The following GRIN2A variants were observed in gnomAD, a reference collection of about 807,000 sequenced individuals.
GRIN2A encodes the protein glutamate receptor ionotropic, NMDA 2A.
GRIN2A carries 22 observed loss-of-function variants against 113.4 expected under a neutral mutation model. The observed-to-expected ratio is 0.19, with a 90% CI of 0.14 to 0.28. The LOEUF (loss-of-function observed/expected upper bound fraction) is 0.28, where lower values mean the gene tolerates loss of function less well. GRIN2A is among the 10% of genes least tolerant of loss of function. The probability of loss-of-function intolerance (pLI) is 1.00; values close to 1 mark genes in which losing one functional copy is unlikely to be tolerated. For missense variants in GRIN2A, 1,502 were observed against 1,887.0 expected (o/e 0.80, Z 3.78); for synonymous variants, 827 against 738.4 (o/e 1.12, Z -1.94).
intron 10 of GRIN2A, among the ~76,000 whole-genome samples, chr16:9,800,955 C>G (rs946970483): frequency 1.3e-5 from 2 of 152,158 alleles, no homozygotes; most frequent in Non-Finnish European, 2.9e-5. Flanking sequence ...AACAGGAACA[C>G]TGGAGTAGTA....
intron 2 of GRIN2A, among the ~76,000 whole-genome samples, chr16:9,997,091 A>T (rs2046236779): frequency 6.6e-6 from 1 of 152,202 alleles, no homozygotes; most frequent in African/African-American, 2.4e-5. Flanking sequence ...AAACAACTTG[A>T]TTAATCTTGG....
intron 2 of GRIN2A, among the ~76,000 whole-genome samples, chr16:10,016,759 C>G (rs1402902658): frequency 1.3e-5 from 2 of 152,232 alleles, no homozygotes; most frequent in African/African-American, 4.8e-5. Context: ...TACCTGCTCT[C>G]TGGGCCTCCC....
intron 12 of GRIN2A, among the ~76,000 whole-genome samples, chr16:9,766,275 C>T (rs2141141844): frequency 6.6e-6 from 1 of 152,324 alleles, no homozygotes; most frequent in Non-Finnish European, 1.5e-5. Context: ...ATAATGGTGG[C>T]TCCATCGGTC....
rs777270187 is a variant in GRIN2A, at chr16:9,849,764, G to C, written c.1320C>G (p.Val440=). 1.2e-5 allele frequency: 19 copies of C among 1,613,694 alleles called. No homozygotes were observed. The highest frequency in any genetic ancestry group is 1.6e-5 in the Non-Finnish European group (19 of 1,179,654). The part of the protein sequence containing the change: ...VRNTVPCRKF[V]KINNSTNEGM... Reference sequence around the variant, plus strand: ...GCATTCCTGCCACTCACTTGATTTTGACGAACTTCCGACATGGCACGGTGT... The same window carrying C: ...GCATTCCTGCCACTCACTTGATTTTCACGAACTTCCGACATGGCACGGTGT... Residue 440 remains valine (V), a synonymous_variant, in exon 5 of 13, where the codon GTC becomes GTG. Coordinates refer to ENST00000330684, the MANE Select transcript of GRIN2A (RefSeq NM_001134407.3).
At chr16:10,133,972 C>T (rs528662962) in intron 2 of GRIN2A, among the ~76,000 whole-genome samples, 63 of 152,114 alleles carry the variant, frequency 4.1e-4, no homozygotes, top group Admixed American at 7.9e-4. Context: ...TGCTTGAGCC[C>T]AGACATTGGA....
At chr16:9,790,167 C>A (rs1902519672) in intron 11 of GRIN2A, among the ~76,000 whole-genome samples, 1 of 152,148 alleles carries the variant, frequency 6.6e-6, no homozygotes, top group South Asian at 2.1e-4. Flanking sequence ...GGCTGCTGAC[C>A]AATATGCCTG....
intron 2 of GRIN2A, among the ~76,000 whole-genome samples, chr16:10,079,710 G>C (rs541928294): frequency 1.1e-4 from 16 of 152,312 alleles, no homozygotes; most frequent in African/African-American, 2.6e-4. Flanking sequence ...GACTTAAGCA[G>C]CCTACAGAAC....
At chr16:9,898,329 C>T (rs563240480) in intron 3 of GRIN2A, among the ~76,000 whole-genome samples, 1 of 152,232 alleles carries the variant, frequency 6.6e-6, no homozygotes, top group Admixed American at 6.5e-5. Context: ...ATACTCATTT[C>T]CAGAGTCCCT....
chr16:10,151,564 A>G (rs1333296084), intron 2 of GRIN2A, among the ~76,000 whole-genome samples: 1 of 152,214 alleles, frequency 6.6e-6, no homozygotes, highest in Non-Finnish European at 1.5e-5. Context: ...TTGCTATAGG[A>G]AAACAGGACA....
In GRIN2A at chr16:9,851,437, T is replaced by G. The variant is rs531983678; in HGVS notation, c.1123-1476A>C. On this transcript the variant is annotated intron_variant, in intron 4 of 12. Coordinates refer to ENST00000330684, the MANE Select transcript of GRIN2A (RefSeq NM_001134407.3). ...ACATAGATTTATTGAAGACCTACGA[T>G]GTCCCAGTGCCAGCCTAGGAATAAT... is the stretch of plus-strand genomic sequence containing the variant. Among the ~76,000 whole-genome samples the G allele has an allele frequency of 2.0e-5, 3 of 152,334 alleles. No homozygotes were observed. In the South Asian group the frequency reaches 6.2e-4, roughly 32 times the overall value.
chr16:9,802,835 T>G (rs1903448722), intron 10 of GRIN2A, among the ~76,000 whole-genome samples: 1 of 152,136 alleles, frequency 6.6e-6, no homozygotes, highest in African/African-American at 2.4e-5. Context: ...TTTCATTAAT[T>G]TAGATTGTAA....
chr16:10,093,772 G>C (rs1315142666), intron 2 of GRIN2A, among the ~76,000 whole-genome samples: 1 of 152,190 alleles, frequency 6.6e-6, no homozygotes, highest in Non-Finnish European at 1.5e-5. Context: ...TTGACTTTGA[G>C]TTTGATCACG....
At chr16:10,007,735 C>A (rs1276653072) in intron 2 of GRIN2A, among the ~76,000 whole-genome samples, 2 of 152,034 alleles carry the variant, frequency 1.3e-5, no homozygotes, top group Non-Finnish European at 2.9e-5. Flanking sequence ...AATAGAAAAG[C>A]AAATGGCCTT....
chr16:10,129,552 C>T (rs1414618757), intron 2 of GRIN2A, among the ~76,000 whole-genome samples: 1 of 152,070 alleles, frequency 6.6e-6, no homozygotes, highest in African/African-American at 2.4e-5. Context: ...ACAAGACAAC[C>T]ACAGAAAGGT....
At chr16:9,784,458 C>CAAAA (rs1236762674) in intron 11 of GRIN2A, among the ~76,000 whole-genome samples, 3 of 141,030 alleles carry the variant, frequency 2.1e-5, no homozygotes, top group African/African-American at 8.4e-5. Flanking sequence ...AAAAAACAAA[C>CAAAA]AAACAAAAAA....
chr16:9,777,981 C>G (rs766959100), intron 11 of GRIN2A, among the ~76,000 whole-genome samples: 13 of 152,228 alleles, frequency 8.5e-5, no homozygotes, highest in Non-Finnish European at 1.6e-4. Flanking sequence ...AGTAGAATCA[C>G]TTGAACCTGG....
chr16:9,806,387 T>G (rs966023272), intron 10 of GRIN2A, among the ~76,000 whole-genome samples: 2 of 152,190 alleles, frequency 1.3e-5, no homozygotes, highest in Admixed American at 1.3e-4. Flanking sequence ...AATTTCACCC[T>G]GTGTGCTTTC....
chr16:9,944,375 T>C (rs12598394), intron 2 of GRIN2A, among the ~76,000 whole-genome samples: 2 of 152,178 alleles, frequency 1.3e-5, no homozygotes, highest in Admixed American at 1.3e-4. Context: ...GCACATAAGC[T>C]GAATTGGTCA....
chr16:9,800,429 T>C (rs1903289675), intron 10 of GRIN2A, among the ~76,000 whole-genome samples: 1 of 152,112 alleles, frequency 6.6e-6, no homozygotes, highest in South Asian at 2.1e-4. Context: ...CTCAACTTTA[T>C]TGCCTTTCTT....
Sources: allele counts gnomAD v4.1 joint callset (sites outside exome capture counted in the v4.1 genomes callset), GRCh38; gene constraint gnomAD v4.1.1; transcripts MANE v1.5; gene names NCBI Gene and HGNC (gene_info 2026-07-23, HGNC 2026-07-21).